Variants in RAP1GDS1 observed in about 807,000 individuals in gnomAD.
RAP1GDS1 encodes the protein RAP1, GTP-GDP dissociation stimulator 1.
A neutral mutation model predicts 71.1 loss-of-function variants in RAP1GDS1; 35 were observed. The observed-to-expected ratio is 0.49, with a 90% confidence interval of 0.38 to 0.65. The LOEUF is 0.65. Among genes scored for constraint, RAP1GDS1 ranks in the 30% least tolerant of loss-of-function variants. RAP1GDS1 has a pLI of 0.00. For synonymous variants in RAP1GDS1, 229 were observed against 243.1 expected, an observed-to-expected ratio of 0.94 and a Z score of 0.54; for missense variants, 663 against 706.1, an observed-to-expected ratio of 0.94 and a Z score of 0.69.
At chr4:98,315,422 G>C (rs1730796718) in intron 2 of RAP1GDS1, among the ~76,000 whole-genome samples, 1 of 152,120 alleles carries the variant, frequency 6.6e-6, no homozygotes, top group African/African-American at 2.4e-5. Context: ...CAATTACAGT[G>C]CTGTGTGTGA....
intron 2 of RAP1GDS1, among the ~76,000 whole-genome samples, chr4:98,304,161 G>A (rs889808360): frequency 2.6e-5 from 4 of 152,116 alleles, no homozygotes; most frequent in African/African-American, 7.2e-5. Context: ...GAATGTACAC[G>A]TGCATGTATC....
At chr4:98,303,351 G>A (rs1728842056) in intron 2 of RAP1GDS1, among the ~76,000 whole-genome samples, 1 of 152,008 alleles carries the variant, frequency 6.6e-6, no homozygotes, top group African/African-American at 2.4e-5. Context: ...ATTGAGATGT[G>A]TTGTACATCT....
At chr4:98,267,910 G>A (rs1219368378) in intron 1 of RAP1GDS1, among the ~76,000 whole-genome samples, 15 of 152,180 alleles carry the variant, frequency 9.9e-5, no homozygotes, top group South Asian at 2.1e-4. Flanking sequence ...TAAGTTCGTC[G>A]AGAAGTCTCC....
chr4:98,425,108 CA>C (rs1749430928), intron 12 of RAP1GDS1, among the ~76,000 whole-genome samples: 1 of 152,158 alleles, frequency 6.6e-6, no homozygotes, highest in Non-Finnish European at 1.5e-5. Context: ...AAGCAATTAT[CA>C]GCCAAGAATT....
intron 6 of RAP1GDS1, among the ~76,000 whole-genome samples, chr4:98,394,664 A>T (rs1157768869): frequency 6.6e-6 from 1 of 152,108 alleles, no homozygotes; most frequent in Non-Finnish European, 1.5e-5. Flanking sequence ...GTGAGAGGAA[A>T]ATTCATTTAT....
intron 7 of RAP1GDS1, among the ~76,000 whole-genome samples, chr4:98,411,864 A>G (rs1479645385): frequency 6.6e-6 from 1 of 152,128 alleles, no homozygotes; most frequent in African/African-American, 2.4e-5. Flanking sequence ...AGGCTTTTTC[A>G]TCATAGTTTT....
In RAP1GDS1 at chr4:98,322,089, T is replaced by C. The variant is rs1210706214; in HGVS notation, c.113-21050T>C. ...GATGGAGGAAGATCTACCAAGCAAA[T>C]GGAAAACAAAAAAAGGCAGGGATTG... On this transcript the variant is annotated intron_variant, in intron 2 of 14. Coordinates refer to ENST00000408927, the MANE Select transcript of RAP1GDS1 (RefSeq NM_001100427.2). 4.8e-3 allele frequency among the ~76,000 whole-genome samples: 407 copies of C among 84,898 alleles called. 2 individuals carry two copies. The highest frequency in any genetic ancestry group is 7.4e-3 in the Admixed American group (56 of 7,562). 55.7% of individuals were successfully genotyped at this position (84,898 alleles called of 152,430 possible). A position where few individuals can be genotyped will look rare whatever the true frequency, so the allele number is the denominator to read the frequency against.
At chr4:98,337,093 C>T (rs1734813600) in intron 2 of RAP1GDS1, among the ~76,000 whole-genome samples, 1 of 152,114 alleles carries the variant, frequency 6.6e-6, no homozygotes, top group Admixed American at 6.5e-5. Context: ...TGAGGTTTCA[C>T]CATGTTGGCC....
At chr4:98,286,600 T>G (rs902670541) in intron 1 of RAP1GDS1, among the ~76,000 whole-genome samples, 1 of 152,090 alleles carries the variant, frequency 6.6e-6, no homozygotes, top group Non-Finnish European at 1.5e-5. Context: ...TAAGAATGAA[T>G]GAGGCCAGGC....
rs577808116 is a variant in RAP1GDS1, at chr4:98,436,237, A to G, written c.1568-703A>G. ...TACCATTGTCAAAAGTCAGTTGAGC[A>G]TATATGTGTGAGTCTATTTCTGGGT... On this transcript the variant is annotated intron_variant, in intron 13 of 14. Transcript: ENST00000408927. Among the ~76,000 whole-genome samples the G allele has an allele frequency of 1.2e-4, 18 of 152,234 alleles. No individual in the cohort carries two copies. The South Asian group carries it at 3.5e-3, about 30-fold the overall frequency.
At chr4:98,316,204 T>G (rs1052171556) in intron 2 of RAP1GDS1, among the ~76,000 whole-genome samples, 1 of 152,100 alleles carries the variant, frequency 6.6e-6, no homozygotes, top group African/African-American at 2.4e-5. Flanking sequence ...TCATTGGTCT[T>G]TTTTTCTTCC....
intron 4 of RAP1GDS1, among the ~76,000 whole-genome samples, chr4:98,357,874 A>G (rs1481425611): frequency 6.6e-6 from 1 of 151,928 alleles, no homozygotes. Context: ...CTCCTTGGTA[A>G]AGTAAGCTTG....
At chr4:98,286,027 G>A (rs894155807) in intron 1 of RAP1GDS1, among the ~76,000 whole-genome samples, 6 of 151,102 alleles carry the variant, frequency 4.0e-5, no homozygotes, top group South Asian at 2.1e-4. Context: ...AGCATGTTGC[G>A]AAGCTGAGGC....
chr4:98,432,605 C>T (rs910313685), intron 12 of RAP1GDS1, among the ~76,000 whole-genome samples: 5 of 152,020 alleles, frequency 3.3e-5, no homozygotes, highest in Non-Finnish European at 5.9e-5. Flanking sequence ...AAGATACTTT[C>T]TAAAAATAGT....
In RAP1GDS1 at chr4:98,443,340, T is replaced by G. The variant is rs892600583; in HGVS notation, c.*1223T>G. ...AGAAGACCCCCTTGGCGAAATATAGTGTACTCTTCACTGCCACTGCCACCA... is the reference window on the plus strand; with the variant it reads ...AGAAGACCCCCTTGGCGAAATATAGGGTACTCTTCACTGCCACTGCCACCA... On this transcript the variant is annotated 3_prime_UTR_variant, in exon 15 of 15. Coordinates refer to ENST00000408927, the MANE Select transcript of RAP1GDS1 (RefSeq NM_001100427.2). 3.5e-5 allele frequency: 8 copies of G among 231,398 alleles called. No individual in the cohort carries two copies. The highest frequency in any genetic ancestry group is 1.6e-4 in the African/African-American group (7 of 45,144). 14.3% of individuals were successfully genotyped at this position (231,398 alleles called of 1,614,324 possible).
chr4:98,415,679 T>A (rs796264212), intron 7 of RAP1GDS1, among the ~76,000 whole-genome samples: 15 of 152,286 alleles, frequency 9.8e-5, no homozygotes, highest in African/African-American at 3.6e-4. Flanking sequence ...GGGTGGAGTT[T>A]CCTATGAAGA....
chr4:98,371,161 G>A (rs1219951521), intron 4 of RAP1GDS1, among the ~76,000 whole-genome samples: 1 of 148,926 alleles, frequency 6.7e-6, no homozygotes, highest in Non-Finnish European at 1.5e-5. Flanking sequence ...CACACAGGCT[G>A]GAGTGCAGGA....
At chr4:98,314,153 G>A (rs1730639409) in intron 2 of RAP1GDS1, among the ~76,000 whole-genome samples, 1 of 152,156 alleles carries the variant, frequency 6.6e-6, no homozygotes, top group Admixed American at 6.5e-5. Flanking sequence ...TCTGATGTGT[G>A]CATGTGGGAG....
rs374872501 is a variant in RAP1GDS1, at chr4:98,432,828, A to G, written c.1441-1108A>G. Among the ~76,000 whole-genome samples, 8 of 152,348 alleles carry G rather than the reference A, an allele frequency of 5.3e-5. No individual in the cohort carries two copies. In the South Asian group the frequency reaches 6.2e-4, roughly 12 times the overall value. ...CTCCTACTAAATCAGATTTAGTTCA[A>G]GAGTTCTAAGACAACGGAACCCTTG... On this transcript the variant is annotated intron_variant, in intron 12 of 14. Transcript: ENST00000408927.
Sources: gnomAD v4.1 joint callset for allele counts (sites outside exome capture counted in the v4.1 genomes callset) on GRCh38, gnomAD v4.1.1 for gene constraint, MANE v1.5 for transcripts, NCBI Gene and HGNC (gene_info 2026-07-23, HGNC 2026-07-21) for gene names.